Variants in NAALADL2 observed in about 807,000 individuals in gnomAD.
The protein encoded by NAALADL2 is N-acetylated alpha-linked acidic dipeptidase like 2.
NAALADL2 carries 76 observed loss-of-function variants against 87.2 expected under a neutral mutation model. The ratio of observed to expected loss-of-function variants is 0.87; its 90% CI spans 0.72 to 1.05. The LOEUF (loss-of-function observed/expected upper bound fraction) is 1.05. NAALADL2 is among the 50% of genes least tolerant of loss of function. The pLI, the probability that NAALADL2 is intolerant of heterozygous loss-of-function variation, is 0.00. For synonymous variants in NAALADL2, 354 were observed against 331.0 expected (o/e 1.07, Z -0.75); for missense variants, 1,089 against 945.8 (o/e 1.15, Z -1.99).
intron 5 of NAALADL2, among the ~76,000 whole-genome samples, chr3:175,337,072 C>G (rs939659845): frequency 2.0e-5 from 3 of 149,992 alleles, no homozygotes; most frequent in Non-Finnish European, 4.5e-5. Context: ...CATGGTATCT[C>G]TTTGAAAGTC....
At chr3:175,397,468 T>A (rs921062666) in intron 5 of NAALADL2, 9 of 152,056 alleles carry the variant, frequency 5.9e-5, no homozygotes, top group African/African-American at 1.9e-4. Context: ...GAGGGCACAA[T>A]AAGGTCACAG....
At position 175,096,126 on chromosome 3, in the gene NAALADL2, C is replaced by T. The variant is rs117011677; in HGVS notation, c.44-664C>T. ...CACCGAGCCAGGCCAATTCATGTCACTAATTTCTTGGGACATCTTGGTCCT... is the reference window on the plus strand; with the variant it reads ...CACCGAGCCAGGCCAATTCATGTCATTAATTTCTTGGGACATCTTGGTCCT... On this transcript the variant is annotated intron_variant, in intron 1 of 13. Transcript: ENST00000454872. Among the ~76,000 whole-genome samples the T allele has an allele frequency of 3.5e-3, 528 of 152,144 alleles. 23 individuals are homozygous for T. The East Asian group carries it at 0.084, about 24-fold the overall frequency.
At chr3:174,856,272 C>G (rs535235680), upstream of NAALADL2, among the ~76,000 whole-genome samples, 4 of 152,222 alleles carry the variant, frequency 2.6e-5, no homozygotes, top group African/African-American at 9.6e-5. Flanking sequence ...TCCCAAAGTG[C>G]TGGGATTACA....
intron 1 of NAALADL2, among the ~76,000 whole-genome samples, chr3:175,096,504 G>A (rs1467795944): frequency 7.1e-5 from 3 of 42,440 alleles, no homozygotes; most frequent in African/African-American, 1.7e-4. Context: ...GCGTGTGTGT[G>A]TGTGTGTGTG....
intron 3 of NAALADL2, among the ~76,000 whole-genome samples, chr3:174,769,723 G>A (rs1714288548): frequency 6.7e-6 from 1 of 150,370 alleles, no homozygotes; most frequent in African/African-American, 2.4e-5. Context: ...CTTCTAAAGG[G>A]CCTTCATGTC....
intron 1 of NAALADL2, among the ~76,000 whole-genome samples, chr3:174,457,388 A>G (rs552866412): frequency 2.0e-5 from 3 of 152,210 alleles, no homozygotes; most frequent in Non-Finnish European, 4.4e-5. Context: ...ATTCTATAAT[A>G]AAGACACATG....
chr3:175,338,102 G>A (rs146877887), intron 5 of NAALADL2, among the ~76,000 whole-genome samples: 51 of 152,224 alleles, frequency 3.4e-4, no homozygotes, highest in African/African-American at 1.2e-3. Flanking sequence ...TGTGGTTCTG[G>A]TATGGAAGAC....
intron 9 of NAALADL2, among the ~76,000 whole-genome samples, chr3:175,474,743 C>T (rs60234778): frequency 0.011 from 1,722 of 151,942 alleles, 35 homozygotes; most frequent in African/African-American, 0.04. Context: ...TTTTCCCTAC[C>T]TCTTCAGTGC....
chr3:174,445,865 G>A (rs2108262683), intron 1 of NAALADL2, among the ~76,000 whole-genome samples: 1 of 152,218 alleles, frequency 6.6e-6, no homozygotes, highest in East Asian at 1.9e-4. Context: ...TCTCTGATCT[G>A]CTCTGACCTG....
At chr3:174,768,922 A>G (rs919363574) in intron 3 of NAALADL2, among the ~76,000 whole-genome samples, 19 of 152,028 alleles carry the variant, frequency 1.2e-4, no homozygotes, top group African/African-American at 4.6e-4. Context: ...TTATACATTT[A>G]ATAAGTTAAT....
chr3:174,722,378 C>T lies in NAALADL2; in HGVS notation c.-114-15263C>T, dbSNP rs920207212. Among the ~76,000 whole-genome samples the T allele has an allele frequency of 4.6e-5, 7 of 152,158 alleles. No individual in the cohort carries two copies. The South Asian group carries it at 6.2e-4, about 13-fold the overall frequency. On this transcript the variant is annotated intron_variant, in intron 2 of 3. Coordinates refer to the NAALADL2 transcript ENST00000434257. ...TTAAAATAAAATTATCCTAATTTAA[C>T]CCTCCTATTGCTTAAATAAAGAGTG...
At chr3:175,357,034 C>G (rs1197431943) in intron 5 of NAALADL2, among the ~76,000 whole-genome samples, 1 of 152,088 alleles carries the variant, frequency 6.6e-6, no homozygotes, top group Non-Finnish European at 1.5e-5. Flanking sequence ...AGCTGTTTTC[C>G]TAGTCAATCA....
At chr3:175,185,027 T>C (rs975911376) in intron 2 of NAALADL2, among the ~76,000 whole-genome samples, 1 of 152,110 alleles carries the variant, frequency 6.6e-6, no homozygotes, top group Non-Finnish European at 1.5e-5. Context: ...AAATGAGAGA[T>C]AGCAAAATTA....
At chr3:175,620,589 C>G (rs897791101) in intron 10 of NAALADL2, among the ~76,000 whole-genome samples, 1 of 152,158 alleles carries the variant, frequency 6.6e-6, no homozygotes. Context: ...AAAGGAGTAA[C>G]ACTCAGTGGC....
chr3:174,936,854 G>T lies in NAALADL2; in HGVS notation c.43+77404G>T, dbSNP rs545719746. 2.6e-5 allele frequency among the ~76,000 whole-genome samples: 4 copies of T among 152,236 alleles called. No individual in the cohort carries two copies. The South Asian group carries it at 8.3e-4, about 32-fold the overall frequency. On this transcript the variant is annotated intron_variant, in intron 1 of 13. Coordinates refer to ENST00000454872, the MANE Select transcript of NAALADL2 (RefSeq NM_207015.3). ...TTGGTGCTGGAGAGAAAGAGAGTTT[G>T]CAGAGGGACATAAGGAAACTTGCGA...
chr3:174,538,052 A>G (rs980784507), intron 1 of NAALADL2, among the ~76,000 whole-genome samples: 2 of 152,194 alleles, frequency 1.3e-5, no homozygotes, highest in Non-Finnish European at 2.9e-5. Flanking sequence ...ATACAGTTAA[A>G]TGTAGACATC....
chr3:175,588,472 A>G (rs1242017027), intron 10 of NAALADL2, among the ~76,000 whole-genome samples: 1 of 151,694 alleles, frequency 6.6e-6, no homozygotes, highest in Non-Finnish European at 1.5e-5. Flanking sequence ...AAAGAAACAC[A>G]GTATCTGGGA....
chr3:175,111,130 C>G (rs1438713168), intron 2 of NAALADL2, among the ~76,000 whole-genome samples: 1 of 151,720 alleles, frequency 6.6e-6, no homozygotes, highest in African/African-American at 2.4e-5. Context: ...GAGGTCACCT[C>G]CCATATCCTG....
intron 9 of NAALADL2, among the ~76,000 whole-genome samples, chr3:175,474,830 G>A (rs143964428): frequency 6.6e-6 from 1 of 152,108 alleles, no homozygotes; most frequent in East Asian, 1.9e-4. Context: ...GTTTTTTCTT[G>A]TGTAGATAGC....
Sources: allele counts gnomAD v4.1 joint callset (sites outside exome capture counted in the v4.1 genomes callset), GRCh38; gene constraint gnomAD v4.1.1; transcripts MANE v1.5; gene names NCBI Gene and HGNC (gene_info 2026-07-23, HGNC 2026-07-21).